Variants in PPP2R2B observed in about 807,000 individuals in gnomAD.
PPP2R2B encodes protein phosphatase 2 regulatory subunit Bbeta, also known as serine/threonine-protein phosphatase 2A 55 kDa regulatory subunit B beta isoform.
A neutral mutation model predicts 46.0 loss-of-function variants in PPP2R2B; 5 were observed. That is an observed-to-expected ratio of 0.11 (90% CI 0.06 to 0.23). The LOEUF is 0.23. PPP2R2B is among the 10% of genes least tolerant of loss of function. The pLI is 1.00. For missense variants in PPP2R2B, 367 were observed against 575.0 expected (o/e 0.64, Z 3.70); for synonymous variants, 215 against 206.7 (o/e 1.04, Z -0.34).
rs76526989 is a variant in PPP2R2B, at chr5:146,820,352, T to A, written c.70+57650A>T. Among the ~76,000 whole-genome samples the A allele has an allele frequency of 5.6e-3, 846 of 152,198 alleles. 6 individuals are homozygous for A. The highest frequency in any genetic ancestry group is 0.019 in the African/African-American group (794 of 41,526). ...TGTGTCAATTAAACATTAAAAAATTTTAAACACACAAAACAAAACAAAAAC... is the reference window on the plus strand; with the variant it reads ...TGTGTCAATTAAACATTAAAAAATTATAAACACACAAAACAAAACAAAAAC... On this transcript the variant is annotated intron_variant, in intron 2 of 9. Transcript: ENST00000394411.
intron 1 of PPP2R2B, among the ~76,000 whole-genome samples, chr5:146,918,151 T>G (rs572574926): frequency 4.5e-4 from 68 of 152,302 alleles, no homozygotes; most frequent in Non-Finnish European, 8.4e-4. Context: ...CAGAAAGAAT[T>G]ATGACTTCAC....
Position 146,812,672 on chromosome 5 carries a change from T to TATAC in PPP2R2B, c.70+65329_70+65330insGTAT, listed in dbSNP as rs1255940031. Among the ~76,000 whole-genome samples, 11 of 20,164 alleles carry TATAC rather than the reference T, an allele frequency of 5.5e-4. 4 individuals are homozygous for TATAC. Among genetic ancestry groups the TATAC allele is most frequent in the African/African-American group, 2.8e-3 (11 of 3,924 alleles). 13.2% of individuals were successfully genotyped at this position (20,164 alleles called of 152,430 possible). A position where few individuals can be genotyped will look rare whatever the true frequency, so the allele number is the denominator to read the frequency against. On this transcript the variant is annotated intron_variant, in intron 2 of 9. Coordinates refer to ENST00000394411, the MANE Select transcript of PPP2R2B (RefSeq NM_181675.4). ...GTTACTTAGTCCTCAGAAGAGTATA[T>TATAC]ATATATATATATATATATATATATA...
upstream of PPP2R2B, among the ~76,000 whole-genome samples, chr5:147,059,797 A>C (rs1757204306): frequency 6.6e-6 from 1 of 152,160 alleles, no homozygotes; most frequent in African/African-American, 2.4e-5. Context: ...CTGGGAGAGC[A>C]GAAGCAACCA....
intron 1 of PPP2R2B, among the ~76,000 whole-genome samples, chr5:147,001,369 A>G (rs10067207): frequency 0.26 from 39,723 of 152,006 alleles, 5,987 homozygotes; most frequent in African/African-American, 0.4. Context: ...CAGCGAGATG[A>G]TGAACCCACC....
intron 1 of PPP2R2B, among the ~76,000 whole-genome samples, chr5:147,018,273 G>C (rs986721576): frequency 2.6e-5 from 4 of 152,088 alleles, no homozygotes; most frequent in Admixed American, 2.6e-4. Flanking sequence ...CAGAAGCACA[G>C]ATTTCCACTG....
chr5:146,689,989 A>T (rs1326051456), intron 5 of PPP2R2B, among the ~76,000 whole-genome samples: 3 of 152,234 alleles, frequency 2.0e-5, no homozygotes, highest in African/African-American at 4.8e-5. Flanking sequence ...GAATAAGCAG[A>T]TGTATCAATA....
At chr5:146,818,502 G>A (rs544611840) in intron 2 of PPP2R2B, among the ~76,000 whole-genome samples, 1 of 152,180 alleles carries the variant, frequency 6.6e-6, no homozygotes, top group South Asian at 2.1e-4. Flanking sequence ...ATAAGCCACT[G>A]AGCTCTTCTT....
chr5:146,630,709 A>C (rs1243457137), intron 7 of PPP2R2B, among the ~76,000 whole-genome samples: 1 of 152,156 alleles, frequency 6.6e-6, no homozygotes, highest in Non-Finnish European at 1.5e-5. Flanking sequence ...TGACATTACT[A>C]CTTTTATGAT....
At chr5:146,897,641 A>C (rs504155) in intron 1 of PPP2R2B, among the ~76,000 whole-genome samples, 73,469 of 151,828 alleles carry the variant, frequency 0.48, 19,596 homozygotes, top group East Asian at 0.7. Flanking sequence ...GGAAAAAAGA[A>C]CAAGATAAAC....
chr5:146,876,419 TC>T (rs1476348649), intron 2 of PPP2R2B, among the ~76,000 whole-genome samples: 1 of 99,422 alleles, frequency 1.0e-5, no homozygotes, highest in Non-Finnish European at 2.0e-5. Context: ...AAGGCAGCTC[TC>T]TTTCTTTGTG....
At chr5:147,026,899 T>C (rs1265843339) in intron 1 of PPP2R2B, among the ~76,000 whole-genome samples, 1 of 152,156 alleles carries the variant, frequency 6.6e-6, no homozygotes, top group African/African-American at 2.4e-5. Flanking sequence ...ATACTAAATA[T>C]GCACTAACCA....
intron 1 of PPP2R2B, among the ~76,000 whole-genome samples, chr5:147,004,407 T>G (rs990143475): frequency 6.6e-6 from 1 of 152,160 alleles, no homozygotes; most frequent in Non-Finnish European, 1.5e-5. Flanking sequence ...ATTTAACCAT[T>G]GAGGACCAGG....
chr5:146,682,525 G>A (rs1284238925), intron 5 of PPP2R2B, among the ~76,000 whole-genome samples: 1 of 152,150 alleles, frequency 6.6e-6, no homozygotes, highest in African/African-American at 2.4e-5. Flanking sequence ...CCACTTAGTA[G>A]CTATAGACAT....
At chr5:146,651,035 C>T (rs537800256) in intron 5 of PPP2R2B, among the ~76,000 whole-genome samples, 1 of 152,242 alleles carries the variant, frequency 6.6e-6, no homozygotes, top group Non-Finnish European at 1.5e-5. Context: ...GGAGTCATTA[C>T]CTTCCAGAGA....
At chr5:146,894,822 C>T (rs1160836379) in intron 1 of PPP2R2B, among the ~76,000 whole-genome samples, 5 of 152,140 alleles carry the variant, frequency 3.3e-5, no homozygotes, top group Non-Finnish European at 5.9e-5. Flanking sequence ...TCATGAGCTT[C>T]CTAAATGTAG....
At chr5:146,788,352 G>A (rs1285471316) in intron 2 of PPP2R2B, among the ~76,000 whole-genome samples, 1 of 150,582 alleles carries the variant, frequency 6.6e-6, no homozygotes, top group Admixed American at 6.6e-5. Flanking sequence ...AAAAAAAAAA[G>A]GGAACAGTAA....
chr5:146,702,811 G>A (rs950416367), intron 2 of PPP2R2B, among the ~76,000 whole-genome samples: 1 of 152,154 alleles, frequency 6.6e-6, no homozygotes, highest in African/African-American at 2.4e-5. Context: ...CAATACTGAT[G>A]CTCTTAACTA....
chr5:147,010,220 T>A (rs1754650130), intron 1 of PPP2R2B, among the ~76,000 whole-genome samples: 1 of 152,132 alleles, frequency 6.6e-6, no homozygotes, highest in Non-Finnish European at 1.5e-5. Flanking sequence ...ATGAACTACT[T>A]AGAGTCAGCT....
intron 1 of PPP2R2B, among the ~76,000 whole-genome samples, chr5:147,014,242 G>T (rs1194036430): frequency 1.4e-5 from 2 of 145,584 alleles, no homozygotes; most frequent in African/African-American, 5.1e-5. Flanking sequence ...AAAAACAGGT[G>T]CTGGAGAGGA....
Sources: allele counts gnomAD v4.1 joint callset (sites outside exome capture counted in the v4.1 genomes callset), GRCh38; gene constraint gnomAD v4.1.1; transcripts MANE v1.5; gene names NCBI Gene and HGNC (gene_info 2026-07-23, HGNC 2026-07-21).